Variants in LGR6 observed in about 807,000 individuals in gnomAD.
The protein encoded by LGR6 is leucine-rich repeat-containing G protein-coupled receptor 6.
LGR6 carries 45 observed loss-of-function variants against 69.4 expected under a neutral mutation model. The observed-to-expected ratio is 0.65, with a 90% CI of 0.51 to 0.83. The LOEUF (loss-of-function observed/expected upper bound fraction) is 0.83. LGR6 is among the 40% of genes least tolerant of loss of function. LGR6 has a pLI of 0.00. For synonymous variants in LGR6, 538 were observed against 555.0 expected (o/e 0.97, Z 0.43); for missense variants, 1,108 against 1,246.7 (o/e 0.89, Z 1.68).
chr1:202,195,295 C>T (rs1449480560), intron 1 of LGR6, among the ~76,000 whole-genome samples: 4 of 152,124 alleles, frequency 2.6e-5, no homozygotes, highest in African/African-American at 7.2e-5. Context: ...CTGGGTGAAT[C>T]TTTATAGGGG....
intron 1 of LGR6, 50 bp downstream of exon 1, chr1:202,194,251 C>T (rs764340901): frequency 6.6e-6 from 9 of 1,355,494 alleles, no homozygotes; most frequent in Non-Finnish European, 7.9e-6. Flanking sequence ...TGCTGGCTAG[C>T]GCCCAGTCCC....
intron 1 of LGR6, among the ~76,000 whole-genome samples, chr1:202,199,525 A>G (rs577688049): frequency 6.6e-6 from 1 of 152,304 alleles, no homozygotes; most frequent in East Asian, 1.9e-4. Context: ...CGGCTGGCGG[A>G]GGAGAAGAAA....
At chr1:202,246,969 A>G (rs544363648) in intron 4 of LGR6, among the ~76,000 whole-genome samples, 2 of 152,370 alleles carry the variant, frequency 1.3e-5, no homozygotes, top group South Asian at 2.1e-4. Flanking sequence ...AAGTTCATGC[A>G]TGCTGTTAGC....
intron 4 of LGR6, among the ~76,000 whole-genome samples, chr1:202,239,851 C>A (rs1662024752): frequency 6.6e-6 from 1 of 152,030 alleles, no homozygotes; most frequent in Non-Finnish European, 1.5e-5. Flanking sequence ...AAAATGGAAG[C>A]GATAATAGTA....
chr1:202,219,389 G>C (rs762932702), intron 1 of LGR6, among the ~76,000 whole-genome samples: 4 of 152,188 alleles, frequency 2.6e-5, no homozygotes, highest in African/African-American at 4.8e-5. Flanking sequence ...AGAGGAGAAG[G>C]CTCTGGAGAA....
At chr1:202,311,714 G>C (rs1379949613) in intron 16 of LGR6, among the ~76,000 whole-genome samples, 1 of 152,206 alleles carries the variant, frequency 6.6e-6, no homozygotes, top group Non-Finnish European at 1.5e-5. Flanking sequence ...ATAGCTCATA[G>C]GCTGTTGGGG....
intron 1 of LGR6, chr1:202,203,896 A>G: frequency 6.3e-7 from 1 of 1,582,226 alleles, no homozygotes; most frequent in Non-Finnish European, 8.7e-7. Context: ...GCATGAAGCA[A>G]GATCCTCCTT....
rs78436008 is a variant in LGR6 at position 202,285,098 on chromosome 1, A to G, written c.716+4246A>G. Among the ~76,000 whole-genome samples the G allele has an allele frequency of 6.6e-5, 10 of 152,346 alleles. No individual in the cohort carries two copies. The East Asian group carries it at 1.9e-3, about 29-fold the overall frequency. The stretch of plus-strand genomic sequence containing the variant: ...AGAAATGTATTGAATTCTGCCTTAT[A>G]ATACAAAATTGTACCTTCCACATCA... On this transcript the variant is annotated intron_variant, in intron 6 of 17. Transcript: ENST00000367278.
chr1:202,285,810 C>T (rs1312995206), intron 6 of LGR6, among the ~76,000 whole-genome samples: 1 of 152,062 alleles, frequency 6.6e-6, no homozygotes, highest in Non-Finnish European at 1.5e-5. Context: ...AATTTAGTGG[C>T]TTAAAAAAAC....
At chr1:202,228,811 T>C (rs1368656251) in intron 3 of LGR6, among the ~76,000 whole-genome samples, 1 of 152,048 alleles carries the variant, frequency 6.6e-6, no homozygotes, top group Non-Finnish European at 1.5e-5. Context: ...CAGGGTCTGG[T>C]TTGGGAAGAA....
Position 202,240,561 on chromosome 1 carries a change from A to AGT in LGR6, c.428+4581_428+4582dup, listed in dbSNP as rs377267704. ...TTGGTCAGTTGACCTGCAGGACATC[A>AGT]GTGTGTGTGTGTGTTGGTGGGAAGA... On this transcript the variant is annotated intron_variant, in intron 4 of 17. Coordinates refer to ENST00000367278, the MANE Select transcript of LGR6 (RefSeq NM_001017403.2). 2.6e-4 allele frequency among the ~76,000 whole-genome samples: 39 copies of AGT among 151,724 alleles called. No individual in the cohort carries two copies. The East Asian group carries it at 6.6e-3, about 26-fold the overall frequency.
chr1:202,318,810 A>G lies in LGR6; in HGVS notation c.2507A>G (p.Asp836Gly). 1.2e-6 allele frequency: 2 copies of G among 1,613,470 alleles called. No individual in the cohort carries two copies. Among genetic ancestry groups the G allele is most frequent in the East Asian group, 2.2e-5 (1 of 44,870 alleles). The change falls in exon 18 of 18, where the codon GAT (aspartate) becomes GGT (glycine). Residue 836 changes from aspartate to glycine, a missense_variant. Transcript: ENST00000367278. ...LYLLFNPHFR[D>G]DLRRLRPRAG... ...CTGCTCTTCAACCCCCACTTCCGGG[A>G]TGACCTTCGGCGGCTTCGGCCCCGC...
At chr1:202,244,378 A>G (rs1027363117) in intron 4 of LGR6, among the ~76,000 whole-genome samples, 2 of 152,214 alleles carry the variant, frequency 1.3e-5, no homozygotes, top group African/African-American at 4.8e-5. Flanking sequence ...ACAAAACATC[A>G]AAAACTGGGC....
intron 4 of LGR6, among the ~76,000 whole-genome samples, chr1:202,251,136 A>G (rs1571896445): frequency 6.6e-6 from 1 of 152,124 alleles, no homozygotes; most frequent in Non-Finnish European, 1.5e-5. Flanking sequence ...GGCCTGATAT[A>G]GGCAATGCTG....
intron 9 of LGR6, among the ~76,000 whole-genome samples, chr1:202,302,140 C>G (rs964361019): frequency 1.3e-5 from 2 of 152,146 alleles, no homozygotes; most frequent in Non-Finnish European, 1.5e-5. Flanking sequence ...TGCAGTGAGC[C>G]AAGACTCAGT....
At chr1:202,305,587 G>GAC (rs1179189478) in intron 11 of LGR6, 97 bp from the exon 12 acceptor site, 2 of 1,022,848 alleles carry the variant, frequency 2.0e-6, no homozygotes, top group African/African-American at 3.2e-5. Flanking sequence ...TCAGCTAATT[G>GAC]ACAGGAAAGC....
intron 1 of LGR6, among the ~76,000 whole-genome samples, chr1:202,222,537 T>C (rs1660233661): frequency 6.6e-6 from 1 of 152,190 alleles, no homozygotes; most frequent in Non-Finnish European, 1.5e-5. Context: ...GCTGCGTTCC[T>C]GTCGAGACAC....
intron 4 of LGR6, among the ~76,000 whole-genome samples, chr1:202,251,126 G>C (rs944765578): frequency 2.0e-5 from 3 of 152,080 alleles, no homozygotes; most frequent in African/African-American, 7.2e-5. Context: ...CACAGATGAC[G>C]GCCTGATATA....
At chr1:202,294,355 A>G (rs748092520) in intron 6 of LGR6, among the ~76,000 whole-genome samples, 3 of 152,256 alleles carry the variant, frequency 2.0e-5, no homozygotes, top group Non-Finnish European at 4.4e-5. Flanking sequence ...ATATTGCTAC[A>G]TAACAAATCA....
Sources: allele counts gnomAD v4.1 joint callset (sites outside exome capture counted in the v4.1 genomes callset), GRCh38; gene constraint gnomAD v4.1.1; transcripts MANE v1.5; gene names NCBI Gene and HGNC (gene_info 2026-07-23, HGNC 2026-07-21).